OR1M1: variants seen among roughly 807,000 people sequenced by gnomAD.
OR1M1 encodes the protein olfactory receptor family 1 subfamily M member 1.
For synonymous variants in OR1M1, 157 were observed against 165.5 expected (o/e 0.95, Z 0.39); for missense variants, 397 against 401.8 (o/e 0.99, Z 0.10).
At chr19:9,092,841 C>A (rs1327174830) in intron 1 of OR1M1, among the ~76,000 whole-genome samples, 2 of 151,492 alleles carry the variant, frequency 1.3e-5, no homozygotes, top group African/African-American at 4.9e-5. Context: ...GCAGAGGTTG[C>A]AGTGAGCAGA....
chr19:9,088,798 G>A lies in OR1M1; in HGVS notation c.-14+1641G>A, dbSNP rs1468102177. 2.0e-5 allele frequency among the ~76,000 whole-genome samples: 3 copies of A among 151,680 alleles called. No individual in the cohort carries two copies. The East Asian group carries it at 5.8e-4, about 29-fold the overall frequency. On this transcript the variant is annotated intron_variant, in intron 1 of 1. Transcript: ENST00000641627. ...AGCTACTCGGGAGGCTGAGGCCAGA[G>A]AACCATTTATATCCGGGAGGCAGAG...
chr19:9,091,764 A>G (rs2050294485), intron 1 of OR1M1, among the ~76,000 whole-genome samples: 1 of 152,102 alleles, frequency 6.6e-6, no homozygotes, highest in East Asian at 1.9e-4. Flanking sequence ...AAGACTGAAA[A>G]TTTCAAACAC....
intron 1 of OR1M1, among the ~76,000 whole-genome samples, chr19:9,091,158 C>T (rs2050291001): frequency 6.6e-6 from 1 of 151,738 alleles, no homozygotes; most frequent in Non-Finnish European, 1.5e-5. Flanking sequence ...CAGAGCGAGA[C>T]TCTGTCTCAA....
chr19:9,094,159 C>T lies in OR1M1; in HGVS notation c.915C>T (p.Val305=). The part of the protein sequence containing the change: ...RDLKGALRKL[V]NRKITSSS ...TGAAAGGGGCTCTCAGGAAGCTGGTCAACAGAAAGATCACCTCATCTTCCT... is the reference window on the plus strand; with the variant it reads ...TGAAAGGGGCTCTCAGGAAGCTGGTTAACAGAAAGATCACCTCATCTTCCT... Residue 305 remains valine, a synonymous_variant, in exon 2 of 2, where the codon GTC becomes GTT. Coordinates refer to ENST00000641627, the MANE Select transcript of OR1M1 (RefSeq NM_001004456.2). 6.2e-7 allele frequency: 1 copy of T among 1,610,054 alleles called. No homozygotes were observed.
Position 9,093,942 on chromosome 19 carries a change from G to T in OR1M1, c.698G>T (p.Gly233Val). Residue 233 changes from glycine to valine, a missense_variant, in exon 2 of 2, where the codon GGC becomes GTC. Transcript: ENST00000641627. ...ATCATGAAGGTCCCCTCTGCAGGCG[G>T]CAGGAAGAAAGCCTTCTCCACCTGC... ...VAIMKVPSAGGRKKAFSTCSS... is the reference protein window; with the variant it reads ...VAIMKVPSAGVRKKAFSTCSS... The T allele has an allele frequency of 6.2e-7, 1 of 1,614,126 alleles. No homozygotes were observed. The highest frequency in any genetic ancestry group is 8.5e-7 in the Non-Finnish European group (1 of 1,180,032).
chr19:9,093,833 A>C lies in OR1M1; in HGVS notation c.589A>C (p.Ile197Leu), dbSNP rs1395562869. The change falls in exon 2 of 2, where the codon ATC (isoleucine) becomes CTC (leucine). Residue 197 changes from isoleucine to leucine, a missense_variant. By Grantham distance (5) the Ile-to-Leu change is conservative. Transcript: ENST00000641627. ...GTGCACGGACACCTCTGTGAATAGGATCTTCATCCTCATTGTGGCAGGGAT... is the reference window on the plus strand; with the variant it reads ...GTGCACGGACACCTCTGTGAATAGGCTCTTCATCCTCATTGTGGCAGGGAT... ...LSCTDTSVNR[I>L]FILIVAGMVI... 2 of 1,613,826 alleles carry C rather than the reference A, an allele frequency of 1.2e-6. No individual in the cohort carries two copies. Among genetic ancestry groups the C allele is most frequent in the East Asian group, 2.2e-5 (1 of 44,886 alleles).
Position 9,093,737 on chromosome 19 carries a change from C to T in OR1M1, c.493C>T (p.Arg165Cys), listed in dbSNP as rs759033050. ...ISLTHILLMA[R>C]LVFCGSHEVP... The stretch of plus-strand genomic sequence containing the variant: ...ACTCACTCACATCCTCCTGATGGCC[C>T]GTCTCGTTTTCTGCGGCAGCCATGA... Residue 165 changes from arginine to cysteine, a missense_variant, in exon 2 of 2, where the codon CGT (arginine) becomes TGT (cysteine). Arg to Cys is a radical substitution (Grantham distance 180). Coordinates refer to ENST00000641627, the MANE Select transcript of OR1M1 (RefSeq NM_001004456.2). 7.4e-6 allele frequency: 12 copies of T among 1,613,984 alleles called. No homozygotes were observed. The highest frequency in any genetic ancestry group is 6.7e-5 in the Admixed American group (4 of 60,006).
In OR1M1 at chr19:9,087,168, TGA is replaced by T. The variant is rs57934578; in HGVS notation, c.-14+34_-14+35del. On this transcript the variant is annotated intron_variant, in intron 1 of 1. Coordinates refer to ENST00000641627, the MANE Select transcript of OR1M1 (RefSeq NM_001004456.2). ...AGGAAAGATAGCCCAGTGAGTGAGC[TGA>T]GAGAGAGAGAGAGAGAGAGAGACTG... The T allele has an allele frequency of 2.0e-4, 30 of 149,956 alleles. No individual in the cohort carries two copies. Among genetic ancestry groups the T allele is most frequent in the South Asian group, 4.2e-4 (2 of 4,744 alleles). The allele number at this position is 149,956 out of a possible 1,614,324, so 9.3% of individuals were successfully genotyped here.
chr19:9,092,580 G>C (rs1347426203), intron 1 of OR1M1, among the ~76,000 whole-genome samples: 2 of 152,082 alleles, frequency 1.3e-5, no homozygotes, highest in African/African-American at 4.8e-5. Flanking sequence ...TCCCTCCTGG[G>C]TGACACAGCA....
At position 9,093,952 on chromosome 19, in the gene OR1M1, A is replaced by T. The variant is rs1214200074; in HGVS notation, c.708A>T (p.Lys236Asn). 7 of 1,613,998 alleles carry T rather than the reference A, an allele frequency of 4.3e-6. No individual in the cohort carries two copies. The highest frequency in any genetic ancestry group is 5.9e-6 in the Non-Finnish European group (7 of 1,180,028). The change falls in exon 2 of 2, where the codon AAA becomes AAT. Residue 236 changes from lysine (K) to asparagine (N), a missense_variant. Transcript: ENST00000641627. ...MKVPSAGGRK[K>N]AFSTCSSHLS... is the part of the protein sequence containing the mutation. Reference sequence around the variant, plus strand: ...TCCCCTCTGCAGGCGGCAGGAAGAAAGCCTTCTCCACCTGCAGCTCCCACC... The same window carrying T: ...TCCCCTCTGCAGGCGGCAGGAAGAATGCCTTCTCCACCTGCAGCTCCCACC...
intron 1 of OR1M1, among the ~76,000 whole-genome samples, chr19:9,091,460 G>C (rs1327119538): frequency 6.6e-6 from 1 of 151,946 alleles, no homozygotes; most frequent in Admixed American, 6.6e-5. Context: ...TTATTTTAGT[G>C]TCCAGATACT....
At chr19:9,091,403 G>A (rs1396440023) in intron 1 of OR1M1, among the ~76,000 whole-genome samples, 1 of 151,818 alleles carries the variant, frequency 6.6e-6, no homozygotes, top group Non-Finnish European at 1.5e-5. Context: ...TGCCACACAT[G>A]CTAAGAATAA....
chr19:9,093,109 C>CACACACACACACACAT (rs572607972), intron 1 of OR1M1, 123 bp from the exon 2 acceptor site: 62 of 492,340 alleles, frequency 1.3e-4, no homozygotes, highest in Admixed American at 1.8e-4. Flanking sequence ...CACACACACA[C>CACACACACACACACAT]ATATATATAT....
At chr19:9,091,653 C>G (rs1172884964) in intron 1 of OR1M1, among the ~76,000 whole-genome samples, 1 of 151,172 alleles carries the variant, frequency 6.6e-6, no homozygotes, top group East Asian at 2.0e-4. Flanking sequence ...AGCAAGACCC[C>G]GTCTCAAAAG....
chr19:9,092,711 C>A (rs2050299924), intron 1 of OR1M1, among the ~76,000 whole-genome samples: 1 of 151,830 alleles, frequency 6.6e-6, no homozygotes, highest in African/African-American at 2.4e-5. Flanking sequence ...ACCAGCCTGG[C>A]CAATATGGTG....
rs1433480287 is a variant in OR1M1, at chr19:9,093,442, G to C, written c.198G>C (p.Leu66=). ...CCATGTACTTCTTCCTGGCCAACCT[G>C]TCCCTGGTTGATTTCTGTCTGGCCA... ...HTPMYFFLAN[L]SLVDFCLATN... Residue 66 remains leucine (L), a synonymous_variant, in exon 2 of 2, where the codon CTG becomes CTC. Coordinates refer to ENST00000641627, the MANE Select transcript of OR1M1 (RefSeq NM_001004456.2). 7 of 1,614,034 alleles carry C rather than the reference G, an allele frequency of 4.3e-6. No individual in the cohort carries two copies. Among genetic ancestry groups the C allele is most frequent in the Non-Finnish European group, 5.9e-6 (7 of 1,180,024 alleles).
At chr19:9,089,973 C>A (rs1286464440) in intron 1 of OR1M1, among the ~76,000 whole-genome samples, 1 of 152,160 alleles carries the variant, frequency 6.6e-6, no homozygotes, top group Non-Finnish European at 1.5e-5. Flanking sequence ...AATCCAGCCA[C>A]CTGCTCTCAG....
At chr19:9,088,652 G>A (rs554134385) in intron 1 of OR1M1, among the ~76,000 whole-genome samples, 11 of 152,198 alleles carry the variant, frequency 7.2e-5, no homozygotes, top group African/African-American at 1.4e-4. Flanking sequence ...TTGGAAGGCC[G>A]AGGCGGGCGG....
At chr19:9,091,103 C>T (rs966101433) in intron 1 of OR1M1, among the ~76,000 whole-genome samples, 5 of 151,704 alleles carry the variant, frequency 3.3e-5, no homozygotes, top group Non-Finnish European at 7.4e-5. Context: ...GGAGGCGGAG[C>T]TTGCAGTGAG....
Sources: gnomAD v4.1 joint callset for allele counts (sites outside exome capture counted in the v4.1 genomes callset) on GRCh38, gnomAD v4.1.1 for gene constraint, MANE v1.5 for transcripts, NCBI Gene and HGNC (gene_info 2026-07-23, HGNC 2026-07-21) for gene names.